FHIT: variants seen among roughly 807,000 people sequenced by gnomAD.
The protein encoded by FHIT is bis(5'-adenosyl)-triphosphatase.
Under a neutral mutation model 17.9 loss-of-function variants are expected in FHIT, and 19 were observed. That is an observed-to-expected ratio of 1.06 (90% CI 0.74 to 1.56). FHIT has a LOEUF of 1.56. Ranked by LOEUF, FHIT falls within the 40% of genes most tolerant of loss-of-function variation. The pLI is 0.00. For synonymous variants in FHIT, 81 were observed against 69.7 expected (o/e 1.16, Z -0.81); for missense variants, 248 against 189.2 (o/e 1.31, Z -1.82).
At chr3:60,000,777 A>G (rs1181264426) in intron 7 of FHIT, among the ~76,000 whole-genome samples, 1 of 152,150 alleles carries the variant, frequency 6.6e-6, no homozygotes, top group East Asian at 1.9e-4. Flanking sequence ...AAAACATCAA[A>G]TATATTTAAA....
chr3:59,890,945 T>C (rs999354225), intron 8 of FHIT, among the ~76,000 whole-genome samples: 1 of 152,144 alleles, frequency 6.6e-6, no homozygotes, highest in Non-Finnish European at 1.5e-5. Flanking sequence ...AGCACACACT[T>C]TGAGAAGAGA....
At chr3:60,516,340 A>G (rs899234503) in intron 5 of FHIT, among the ~76,000 whole-genome samples, 24 of 152,356 alleles carry the variant, frequency 1.6e-4, no homozygotes, top group African/African-American at 5.3e-4. Context: ...GGCTTGATAG[A>G]AGATAATTGC....
At chr3:59,855,475 T>A (rs1010503927) in intron 8 of FHIT, among the ~76,000 whole-genome samples, 2 of 152,220 alleles carry the variant, frequency 1.3e-5, no homozygotes, top group Non-Finnish European at 2.9e-5. Context: ...TTTAATCTTA[T>A]GCTATCCTCA....
intron 5 of FHIT, among the ~76,000 whole-genome samples, chr3:60,328,323 G>A (rs1023334685): frequency 6.6e-6 from 1 of 152,154 alleles, no homozygotes; most frequent in Non-Finnish European, 1.5e-5. Context: ...CTGCTATGAA[G>A]AAACACCTGA....
At chr3:60,068,029 A>C (rs892548443) in intron 5 of FHIT, among the ~76,000 whole-genome samples, 1 of 152,134 alleles carries the variant, frequency 6.6e-6, no homozygotes, top group Non-Finnish European at 1.5e-5. Context: ...TGAGGCCAGG[A>C]GTTTGAGACC....
chr3:60,069,522 C>A (rs1271918950), intron 5 of FHIT, among the ~76,000 whole-genome samples: 1 of 152,158 alleles, frequency 6.6e-6, no homozygotes, highest in Admixed American at 6.5e-5. Flanking sequence ...ACAGGTAAGG[C>A]CCCTGCTTGT....
chr3:60,940,573 G>A (rs1708368755), intron 3 of FHIT, among the ~76,000 whole-genome samples: 1 of 151,952 alleles, frequency 6.6e-6, no homozygotes, highest in South Asian at 2.1e-4. Context: ...AATACAATGA[G>A]GGTTATATGA....
At chr3:60,864,834 A>G (rs72886286) in intron 3 of FHIT, among the ~76,000 whole-genome samples, 2,523 of 152,244 alleles carry the variant, frequency 0.017, 72 homozygotes, top group African/African-American at 0.057. Context: ...TTATTAATAC[A>G]ACTTAGAAAA....
chr3:60,759,882 C>T (rs2108050467), intron 4 of FHIT, among the ~76,000 whole-genome samples: 1 of 152,260 alleles, frequency 6.6e-6, no homozygotes, highest in Middle Eastern at 3.4e-3. Flanking sequence ...AACGTGGGAG[C>T]TGGAATGAAT....
chr3:61,124,658 C>T (rs974501241), intron 2 of FHIT, among the ~76,000 whole-genome samples: 10 of 152,116 alleles, frequency 6.6e-5, no homozygotes, highest in Admixed American at 2.0e-4. Context: ...TACTCTTTCG[C>T]GATATATATG....
intron 5 of FHIT, among the ~76,000 whole-genome samples, chr3:60,455,328 A>T (rs1410881694): frequency 6.6e-6 from 1 of 152,112 alleles, no homozygotes; most frequent in Non-Finnish European, 1.5e-5. Context: ...CCATTATTAG[A>T]CTTTGAGGTC....
chr3:60,338,639 G>T (rs913531532), intron 5 of FHIT, among the ~76,000 whole-genome samples: 4 of 152,184 alleles, frequency 2.6e-5, no homozygotes, highest in African/African-American at 9.7e-5. Context: ...GCAGTTACTA[G>T]ACCACTTAGA....
intron 8 of FHIT, among the ~76,000 whole-genome samples, chr3:59,805,088 G>A (rs1191060729): frequency 1.3e-5 from 2 of 152,120 alleles, no homozygotes; most frequent in African/African-American, 2.4e-5. Flanking sequence ...CCTCTGTCTA[G>A]CTTGAAGCAG....
intron 5 of FHIT, among the ~76,000 whole-genome samples, chr3:60,210,565 A>C (rs1464529707): frequency 6.6e-6 from 1 of 152,188 alleles, no homozygotes; most frequent in Non-Finnish European, 1.5e-5. Context: ...AAAACAGCCC[A>C]AAATCACACT....
At position 60,014,139 on chromosome 3, in the gene FHIT, G is replaced by T; in HGVS notation, c.117C>A (p.Cys39Ter). The T allele has an allele frequency of 6.2e-7, 1 of 1,613,986 alleles. No individual in the cohort carries two copies. Among genetic ancestry groups the T allele is most frequent in the Non-Finnish European group, 8.5e-7 (1 of 1,179,946 alleles). Reference sequence around the variant, plus strand: ...GGAAGCGCTCCACTGGCCGCAGCGGGCACACAAGGACATCTGTAGCAAGGT... The same window carrying T: ...GGAAGCGCTCCACTGGCCGCAGCGGTCACACAAGGACATCTGTAGCAAGGT... The part of the protein sequence containing the change: ...KPVVPGHVLV[C>*]PLRPVERFHD... The change falls in exon 6 of 10, where the codon TGC becomes TGA. Residue 39 changes from cysteine (C) to a stop codon, truncating the protein, a stop_gained. Transcript: ENST00000492590. LOFTEE classifies it high-confidence loss of function.
intron 5 of FHIT, among the ~76,000 whole-genome samples, chr3:60,277,959 T>A: frequency 6.6e-6 from 1 of 152,188 alleles, no homozygotes; most frequent in East Asian, 1.9e-4. Context: ...ATGACTTTTT[T>A]AGATTCAGCA....
At chr3:60,979,732 G>T (rs1710412291) in intron 3 of FHIT, among the ~76,000 whole-genome samples, 1 of 152,098 alleles carries the variant, frequency 6.6e-6, no homozygotes, top group Non-Finnish European at 1.5e-5. Flanking sequence ...GCTCATTCAG[G>T]GATTGCTGCC....
intron 5 of FHIT, among the ~76,000 whole-genome samples, chr3:60,107,236 A>G (rs1027981864): frequency 6.7e-6 from 1 of 148,882 alleles, no homozygotes; most frequent in Non-Finnish European, 1.5e-5. Flanking sequence ...ATGTGCATAG[A>G]TAAAACTTTG....
chr3:59,934,323 ACT>A (rs1306747365), intron 7 of FHIT, among the ~76,000 whole-genome samples: 1 of 152,066 alleles, frequency 6.6e-6, no homozygotes, highest in Admixed American at 6.6e-5. Context: ...TACTATCAAC[ACT>A]CTGGTACAGT....
Sources: gnomAD v4.1 joint callset for allele counts (sites outside exome capture counted in the v4.1 genomes callset) on GRCh38, gnomAD v4.1.1 for gene constraint, MANE v1.5 for transcripts, NCBI Gene and HGNC (gene_info 2026-07-23, HGNC 2026-07-21) for gene names.